Variants in GREB1L observed in about 807,000 individuals in gnomAD.
GREB1L encodes GREB1-like protein.
GREB1L carries 17 observed loss-of-function variants against 200.8 expected under a neutral mutation model. The ratio of observed to expected loss-of-function variants is 0.08; its 90% confidence interval spans 0.06 to 0.13. GREB1L has a LOEUF of 0.13. GREB1L is among the 10% of genes least tolerant of loss of function. GREB1L has a pLI of 1.00. For missense variants in GREB1L, 1,657 were observed against 2,367.7 expected (o/e 0.70, Z 6.23); for synonymous variants, 789 against 893.0 (o/e 0.88, Z 2.08).
intron 15 of GREB1L, among the ~76,000 whole-genome samples, chr18:21,467,900 C>T (rs1394010938): frequency 2.0e-5 from 3 of 151,950 alleles, no homozygotes; most frequent in Non-Finnish European, 4.4e-5. Context: ...TGGCATGCAC[C>T]TGTAGTCCCA....
At chr18:21,504,216 G>A (rs574771176) in intron 23 of GREB1L, among the ~76,000 whole-genome samples, 1 of 152,302 alleles carries the variant, frequency 6.6e-6, no homozygotes, top group East Asian at 1.9e-4. Context: ...GAGCCACCAT[G>A]TCCAGCGTGT....
intron 15 of GREB1L, among the ~76,000 whole-genome samples, chr18:21,461,829 C>CA (rs2035058928): frequency 6.6e-6 from 1 of 152,100 alleles, no homozygotes. Flanking sequence ...ATTTTAAGTT[C>CA]AAATCTATTT....
At chr18:21,250,174 G>C (rs79496347) in intron 1 of GREB1L, among the ~76,000 whole-genome samples, 2,666 of 152,250 alleles carry the variant, frequency 0.018, 86 homozygotes, top group African/African-American at 0.061. Flanking sequence ...GCGAGGGAGC[G>C]AGTGGGGGAT....
chr18:21,242,545 G>T (rs2037515718), intron 1 of GREB1L, among the ~76,000 whole-genome samples, 152 bp downstream of exon 1: 2 of 152,116 alleles, frequency 1.3e-5, no homozygotes, highest in African/African-American at 4.8e-5. Flanking sequence ...TTTCCGGAGG[G>T]ATGGGAAGCT....
At chr18:21,476,710 A>G (rs911405733) in intron 16 of GREB1L, among the ~76,000 whole-genome samples, 3 of 151,022 alleles carry the variant, frequency 2.0e-5, no homozygotes, top group Admixed American at 2.0e-4. Flanking sequence ...CTAGGATTAC[A>G]GGCACACACC....
chr18:21,247,670 A>G (rs1376088336), intron 1 of GREB1L, among the ~76,000 whole-genome samples: 7 of 152,210 alleles, frequency 4.6e-5, no homozygotes, highest in African/African-American at 2.4e-5. Context: ...CTAATTACCA[A>G]CCTTCTGGAT....
chr18:21,445,339 T>TG (rs988001909), intron 11 of GREB1L, among the ~76,000 whole-genome samples: 1 of 152,150 alleles, frequency 6.6e-6, no homozygotes, highest in African/African-American at 2.4e-5. Flanking sequence ...CTGGGCGTGG[T>TG]GGCGCATGCC....
At chr18:21,361,599 A>G (rs917628307) in intron 1 of GREB1L, among the ~76,000 whole-genome samples, 4 of 152,144 alleles carry the variant, frequency 2.6e-5, no homozygotes, top group African/African-American at 9.7e-5. Flanking sequence ...TAACTGAAGG[A>G]CTGACAGGGT....
chr18:21,355,160 T>G (rs995480334), intron 1 of GREB1L, among the ~76,000 whole-genome samples: 9 of 152,018 alleles, frequency 5.9e-5, no homozygotes, highest in Admixed American at 4.6e-4. Flanking sequence ...GTATCCTCTA[T>G]GACCTTTGGA....
Position 21,340,449 on chromosome 18 carries a change from T to G in GREB1L, c.-119-25578T>G, listed in dbSNP as rs139626067. Among the ~76,000 whole-genome samples the G allele has an allele frequency of 7.0e-4, 106 of 151,764 alleles. No homozygotes were observed. The Middle Eastern group carries it at 0.01, about 15-fold the overall frequency. On this transcript the variant is annotated intron_variant, in intron 1 of 32. Transcript: ENST00000424526. ...AACAAACAAACAAAAAAAACCACAT[T>G]GGTTTGGAGTCAGAGGACATGCATT...
At chr18:21,406,446 A>T (rs966826458) in intron 7 of GREB1L, among the ~76,000 whole-genome samples, 4 of 152,250 alleles carry the variant, frequency 2.6e-5, no homozygotes, top group African/African-American at 9.6e-5. Flanking sequence ...CAGAAAATGT[A>T]ATAAAAGAAA....
At chr18:21,243,500 C>T (rs1186942983) in intron 1 of GREB1L, among the ~76,000 whole-genome samples, 1 of 152,232 alleles carries the variant, frequency 6.6e-6, no homozygotes, top group Admixed American at 6.5e-5. Context: ...CCGCCTCCCC[C>T]CGCCTCGAGG....
At chr18:21,502,658 T>C (rs112597355) in intron 23 of GREB1L, among the ~76,000 whole-genome samples, 2,225 of 152,234 alleles carry the variant, frequency 0.015, 57 homozygotes, top group African/African-American at 0.049. Context: ...CTTGTTTTTT[T>C]CCCAGCTAAG....
chr18:21,431,236 A>G (rs2033130343), intron 7 of GREB1L, among the ~76,000 whole-genome samples: 1 of 150,270 alleles, frequency 6.7e-6, no homozygotes, highest in Non-Finnish European at 1.5e-5. Context: ...CATTGGCCAG[A>G]CTGGTCCCAA....
chr18:21,494,101 G>A (rs192082750), intron 19 of GREB1L, among the ~76,000 whole-genome samples: 40 of 152,116 alleles, frequency 2.6e-4, no homozygotes, highest in Admixed American at 7.2e-4. Context: ...ATGAGACAAT[G>A]TTATGGTTCC....
chr18:21,453,953 G>GAA (rs1457037301), intron 14 of GREB1L, among the ~76,000 whole-genome samples: 1 of 152,140 alleles, frequency 6.6e-6, no homozygotes, highest in African/African-American at 2.4e-5. Flanking sequence ...CTCTTTCCTT[G>GAA]AACTGGGTCG....
chr18:21,396,044 T>C (rs926097625), intron 5 of GREB1L, among the ~76,000 whole-genome samples: 9 of 150,820 alleles, frequency 6.0e-5, no homozygotes, highest in African/African-American at 1.9e-4. Flanking sequence ...TTCTTTCTTT[T>C]TTTTTTTTCT....
intron 7 of GREB1L, among the ~76,000 whole-genome samples, chr18:21,413,037 T>C (rs2031241771): frequency 1.3e-5 from 2 of 152,160 alleles, no homozygotes; most frequent in African/African-American, 4.8e-5. Context: ...GACTTTACTG[T>C]CTAAGAAGGG....
intron 7 of GREB1L, among the ~76,000 whole-genome samples, chr18:21,413,635 C>T (rs1300124660): frequency 6.6e-6 from 1 of 152,068 alleles, no homozygotes; most frequent in Non-Finnish European, 1.5e-5. Context: ...TACTGCATTC[C>T]CAGAGCCTAA....
Sources: gnomAD v4.1 joint callset for allele counts (sites outside exome capture counted in the v4.1 genomes callset) on GRCh38, gnomAD v4.1.1 for gene constraint, MANE v1.5 for transcripts, NCBI Gene and HGNC (gene_info 2026-07-23, HGNC 2026-07-21) for gene names.